BABAM2: variants seen among roughly 807,000 people sequenced by gnomAD.
BABAM2 encodes BRISC and BRCA1 A complex member 2, also known as BRISC and BRCA1-A complex member 2.
A neutral mutation model predicts 54.7 loss-of-function variants in BABAM2; 31 were observed. That is an observed-to-expected ratio of 0.57 (90% confidence interval 0.43 to 0.77). The LOEUF (loss-of-function observed/expected upper bound fraction) is 0.77, where lower values mean the gene tolerates loss of function less well. Among genes scored for constraint, BABAM2 ranks in the 30% least tolerant of loss-of-function variants. The pLI is 0.00. For missense variants in BABAM2, 364 were observed against 455.8 expected, an observed-to-expected ratio of 0.80 and a Z score of 1.83; for synonymous variants, 167 against 162.9, an observed-to-expected ratio of 1.03 and a Z score of -0.19.
At chr2:28,213,714 A>G (rs957740544) in intron 7 of BABAM2, among the ~76,000 whole-genome samples, 1 of 152,062 alleles carries the variant, frequency 6.6e-6, no homozygotes, top group Non-Finnish European at 1.5e-5. Context: ...ATTAAAATAC[A>G]TTTTTGGTTT....
At chr2:28,018,235 C>G (rs151242405) in intron 4 of BABAM2, among the ~76,000 whole-genome samples, 58 of 152,294 alleles carry the variant, frequency 3.8e-4, no homozygotes, top group African/African-American at 1.3e-3. Flanking sequence ...GCTTAGCTCC[C>G]ACGTGTGAGT....
intron 2 of BABAM2, among the ~76,000 whole-genome samples, chr2:27,918,450 T>C (rs1427731876): frequency 6.6e-6 from 1 of 150,750 alleles, no homozygotes; most frequent in Non-Finnish European, 1.5e-5. Context: ...TGCCATTCCA[T>C]TGTGTGTGTG....
At chr2:28,300,464 C>G (rs1024891311) in intron 11 of BABAM2, among the ~76,000 whole-genome samples, 4 of 152,098 alleles carry the variant, frequency 2.6e-5, no homozygotes, top group African/African-American at 9.7e-5. Context: ...TCCTGAAATA[C>G]AATGGAAAAA....
intron 3 of BABAM2, among the ~76,000 whole-genome samples, chr2:27,945,943 T>C (rs1185616462): frequency 1.3e-5 from 2 of 152,136 alleles, no homozygotes; most frequent in African/African-American, 4.8e-5. Flanking sequence ...TTAGGTATTT[T>C]CTTCAACACA....
rs1672957566 is a variant in BABAM2, at chr2:27,993,988, G to A, written c.300+5901G>A. Reference sequence around the variant, plus strand: ...CACACTTGAAAAACGCTATCCCGATGGATGGTGCTCGATGCCTAGACACTT... The same window carrying A: ...CACACTTGAAAAACGCTATCCCGATAGATGGTGCTCGATGCCTAGACACTT... On this transcript the variant is annotated intron_variant, in intron 4 of 11. Transcript: ENST00000379624. 2.6e-5 allele frequency among the ~76,000 whole-genome samples: 4 copies of A among 152,194 alleles called. No homozygotes were observed. In the South Asian group the frequency reaches 8.3e-4, roughly 32 times the overall value.
intron 6 of BABAM2, among the ~76,000 whole-genome samples, chr2:28,091,730 A>G (rs1666173956): frequency 6.6e-6 from 1 of 152,244 alleles, no homozygotes; most frequent in East Asian, 1.9e-4. Flanking sequence ...GATTAGAACT[A>G]GGAACTATGA....
Position 28,011,972 on chromosome 2 carries a change from G to A in BABAM2, c.301-13254G>A, listed in dbSNP as rs186005726. Among the ~76,000 whole-genome samples, 391 of 152,234 alleles carry A rather than the reference G, an allele frequency of 2.6e-3. 1 individual carries two copies. Among genetic ancestry groups the A allele is most frequent in the African/African-American group, 8.9e-3 (370 of 41,530 alleles). On this transcript the variant is annotated intron_variant, in intron 4 of 11. Coordinates refer to ENST00000379624, the MANE Select transcript of BABAM2 (RefSeq NM_199191.3). ...TGCTCCAAGTTTAAAATCTTTGGAC[G>A]GAATTGGGATTCTTAACTCTCTAAG...
At chr2:28,072,055 C>T (rs967160536) in intron 6 of BABAM2, among the ~76,000 whole-genome samples, 8 of 152,210 alleles carry the variant, frequency 5.3e-5, no homozygotes, top group Non-Finnish European at 2.9e-5. Context: ...GGGTCTCACT[C>T]TGCTGCCCAG....
chr2:28,181,280 A>G (rs1239940233), intron 7 of BABAM2, among the ~76,000 whole-genome samples: 2 of 152,214 alleles, frequency 1.3e-5, no homozygotes, highest in African/African-American at 2.4e-5. Context: ...TTTATACACA[A>G]TAGAATACTA....
intron 10 of BABAM2, among the ~76,000 whole-genome samples, chr2:28,263,225 T>C (rs1471606095): frequency 2.0e-5 from 3 of 151,586 alleles, no homozygotes; most frequent in Admixed American, 6.6e-5. Flanking sequence ...TATGCATAAA[T>C]AATATAATTT....
chr2:28,268,227 T>C (rs991695537), intron 10 of BABAM2, among the ~76,000 whole-genome samples: 2 of 152,190 alleles, frequency 1.3e-5, no homozygotes, highest in African/African-American at 2.4e-5. Flanking sequence ...TCCCAGCTAC[T>C]TGGGGAGGCT....
At chr2:28,221,205 T>C (rs1254283381) in intron 7 of BABAM2, among the ~76,000 whole-genome samples, 1 of 152,108 alleles carries the variant, frequency 6.6e-6, no homozygotes, top group Non-Finnish European at 1.5e-5. Flanking sequence ...CCTTTCTGCT[T>C]TTGTTTCTTT....
At chr2:28,071,270 C>T (rs1338257290) in intron 6 of BABAM2, among the ~76,000 whole-genome samples, 1 of 152,136 alleles carries the variant, frequency 6.6e-6, no homozygotes, top group East Asian at 1.9e-4. Flanking sequence ...GATTCCTCCT[C>T]TATTCCTTTC....
intron 7 of BABAM2, among the ~76,000 whole-genome samples, chr2:28,145,940 C>A (rs1319514408): frequency 2.0e-5 from 3 of 152,088 alleles, no homozygotes; most frequent in African/African-American, 7.2e-5. Flanking sequence ...AATAATACTC[C>A]AGTATATCAA....
At chr2:28,141,669 G>A (rs1230380402) in intron 7 of BABAM2, among the ~76,000 whole-genome samples, 1 of 152,056 alleles carries the variant, frequency 6.6e-6, no homozygotes, top group African/African-American at 2.4e-5. Flanking sequence ...CTTGTGTTAG[G>A]ACCATGACCT....
chr2:27,936,489 A>G (rs1668493405), intron 3 of BABAM2, among the ~76,000 whole-genome samples: 1 of 152,222 alleles, frequency 6.6e-6, no homozygotes. Flanking sequence ...CTATAAAGAC[A>G]CATGCACACG....
chr2:28,259,076 T>C lies in BABAM2; in HGVS notation c.934+14214T>C, dbSNP rs1324449196. Among the ~76,000 whole-genome samples, 6 of 65,418 alleles carry C rather than the reference T, an allele frequency of 9.2e-5. 1 individual carries two copies. Among genetic ancestry groups the C allele is most frequent in the Non-Finnish European group, 1.2e-4 (4 of 33,340 alleles). 42.9% of individuals were successfully genotyped at this position (65,418 alleles called of 152,430 possible). ...AGGCTTCAGCCACTGCACCTGGCCT[T>C]TTTTTTTTTTTTTTTTTTTTTTTTT... On this transcript the variant is annotated intron_variant, in intron 10 of 11. Coordinates refer to ENST00000379624, the MANE Select transcript of BABAM2 (RefSeq NM_199191.3).
intron 11 of BABAM2, among the ~76,000 whole-genome samples, chr2:28,313,964 A>G (rs1199942260): frequency 2.6e-5 from 4 of 152,202 alleles, no homozygotes; most frequent in Non-Finnish European, 4.4e-5. Context: ...AATCAAAATC[A>G]AAATGTAGAA....
At chr2:27,970,907 A>G (rs1671165384) in intron 3 of BABAM2, among the ~76,000 whole-genome samples, 1 of 152,062 alleles carries the variant, frequency 6.6e-6, no homozygotes, top group African/African-American at 2.4e-5. Context: ...CATATCCCAC[A>G]GTTTGGTTTA....
Sources: gnomAD v4.1 joint callset for allele counts (sites outside exome capture counted in the v4.1 genomes callset) on GRCh38, gnomAD v4.1.1 for gene constraint, MANE v1.5 for transcripts, NCBI Gene and HGNC (gene_info 2026-07-23, HGNC 2026-07-21) for gene names.